Variants in FGFR2 observed in about 807,000 individuals in gnomAD.
The protein encoded by FGFR2 is fibroblast growth factor receptor 2.
Under a neutral mutation model 95.9 loss-of-function variants are expected in FGFR2, and 19 were observed. The ratio of observed to expected loss-of-function variants is 0.20; its 90% CI spans 0.14 to 0.29. The LOEUF (loss-of-function observed/expected upper bound fraction) is 0.29, where lower values mean the gene tolerates loss of function less well. Among genes scored for constraint, FGFR2 ranks in the 10% least tolerant of loss-of-function variants. The pLI, the probability that FGFR2 is intolerant of heterozygous loss-of-function variation, is 1.00. For missense variants in FGFR2, 707 were observed against 1,056.9 expected, an observed-to-expected ratio of 0.67 and a Z score of 4.59; for synonymous variants, 392 against 393.3, an observed-to-expected ratio of 1.00 and a Z score of 0.04.
chr10:121,568,047 C>T (rs570151599), intron 2 of FGFR2, among the ~76,000 whole-genome samples: 14 of 152,228 alleles, frequency 9.2e-5, no homozygotes, highest in East Asian at 1.9e-4. Context: ...AGTCAAAATG[C>T]GGCTGAATTG....
chr10:121,542,766 C>T (rs1463249872), intron 5 of FGFR2, among the ~76,000 whole-genome samples: 7 of 152,112 alleles, frequency 4.6e-5, no homozygotes, highest in Admixed American at 4.6e-4. Context: ...ACAAGGTGGC[C>T]CAGACAGGTT....
intron 5 of FGFR2, among the ~76,000 whole-genome samples, chr10:121,549,175 G>C (rs1248018276): frequency 1.3e-5 from 2 of 152,174 alleles, no homozygotes; most frequent in African/African-American, 4.8e-5. Flanking sequence ...GCCTCTAGAT[G>C]TTAATTTCTA....
intron 2 of FGFR2, among the ~76,000 whole-genome samples, chr10:121,574,689 C>A (rs1044546902): frequency 2.0e-5 from 3 of 152,198 alleles, no homozygotes; most frequent in Non-Finnish European, 4.4e-5. Context: ...AGCCTCCCCT[C>A]TGCAAGAGCC....
chr10:121,526,293 G>C (rs564478621), intron 6 of FGFR2: 4 of 398,170 alleles, frequency 1.0e-5, no homozygotes, highest in Non-Finnish European at 1.8e-5. Context: ...AAGAGTAGGC[G>C]GTGGTTGCTT....
At chr10:121,555,794 A>G (rs531888682) in intron 4 of FGFR2, among the ~76,000 whole-genome samples, 21 of 152,258 alleles carry the variant, frequency 1.4e-4, no homozygotes, top group Non-Finnish European at 3.1e-4. Flanking sequence ...GTCATTGCAC[A>G]TTAGTAATAA....
intron 2 of FGFR2, among the ~76,000 whole-genome samples, chr10:121,588,841 C>A (rs1219643): frequency 0.22 from 33,840 of 152,004 alleles, 3,828 homozygotes; most frequent in African/African-American, 0.28. Context: ...CAGTGAGCCA[C>A]GTTTGACAAT....
intron 6 of FGFR2, among the ~76,000 whole-genome samples, chr10:121,532,828 G>A (rs1014947124): frequency 6.6e-6 from 1 of 152,182 alleles, no homozygotes; most frequent in African/African-American, 2.4e-5. Flanking sequence ...CACACCTGAG[G>A]GGGGACTTCG....
intron 4 of FGFR2, among the ~76,000 whole-genome samples, chr10:121,559,205 A>T (rs1856613155): frequency 1.3e-5 from 2 of 152,276 alleles, no homozygotes; most frequent in South Asian, 2.1e-4. Context: ...TTCCTAAAGA[A>T]GAACATACAA....
At chr10:121,591,263 C>T (rs1862606529) in intron 2 of FGFR2, among the ~76,000 whole-genome samples, 1 of 152,190 alleles carries the variant, frequency 6.6e-6, no homozygotes, top group Non-Finnish European at 1.5e-5. Flanking sequence ...CACCAAGGGC[C>T]TCCTCCATCC....
At chr10:121,483,624 AGT>A (rs2133763570) in intron 17 of FGFR2, 72 bp downstream of exon 17, 7 of 1,028,776 alleles carry the variant, frequency 6.8e-6, no homozygotes, top group Middle Eastern at 2.4e-4. Context: ...CCAACAGGGG[AGT>A]GTGTGTGTAA....
intron 2 of FGFR2, among the ~76,000 whole-genome samples, chr10:121,579,768 T>C (rs1860534798): frequency 6.6e-6 from 1 of 152,112 alleles, no homozygotes; most frequent in African/African-American, 2.4e-5. Flanking sequence ...CACCAAACCA[T>C]GGGCAAGAGT....
chr10:121,571,576 G>A (rs535774673), intron 2 of FGFR2, among the ~76,000 whole-genome samples: 1 of 151,918 alleles, frequency 6.6e-6, no homozygotes, highest in Admixed American at 6.6e-5. Context: ...CAAAGTGCTA[G>A]GATTACAGGT....
chr10:121,561,674 T>C (rs1366619935), intron 4 of FGFR2, among the ~76,000 whole-genome samples: 1 of 152,008 alleles, frequency 6.6e-6, no homozygotes, highest in Non-Finnish European at 1.5e-5. Flanking sequence ...AAAGGCACCA[T>C]CCATAAAAGA....
chr10:121,565,306 A>C, intron 3 of FGFR2, 132 bp downstream of exon 3: 2 of 1,181,478 alleles, frequency 1.7e-6, no homozygotes, highest in Non-Finnish European at 2.5e-6. Flanking sequence ...GTCCCAAAGA[A>C]GAATTTCAAA....
At position 121,501,653 on chromosome 10, in the gene FGFR2, G is replaced by A. The variant is rs897063567; in HGVS notation, c.1440-706C>T. Among the ~76,000 whole-genome samples the A allele has an allele frequency of 3.2e-4, 49 of 152,146 alleles. 1 individual carries two copies. The highest frequency in any genetic ancestry group is 1.5e-5 in the Non-Finnish European group (1 of 68,036). On this transcript the variant is annotated intron_variant, in intron 10 of 17. Coordinates refer to ENST00000358487, the MANE Select transcript of FGFR2 (RefSeq NM_000141.5). ...AAACCAACAAAACGCAAAAGTCTTTGGAATACTTATGAATACGGCTCTTTC... is the reference window on the plus strand; with the variant it reads ...AAACCAACAAAACGCAAAAGTCTTTAGAATACTTATGAATACGGCTCTTTC...
At chr10:121,569,339 G>T (rs530397796) in intron 2 of FGFR2, among the ~76,000 whole-genome samples, 1 of 151,678 alleles carries the variant, frequency 6.6e-6, no homozygotes, top group Non-Finnish European at 1.5e-5. Context: ...TCCTGCCTCA[G>T]CCTCCCAAGT....
Position 121,479,485 on chromosome 10 carries a change from T to C in FGFR2, c.*372A>G. On this transcript the variant is annotated 3_prime_UTR_variant, in exon 18 of 18. Coordinates refer to ENST00000358487, the MANE Select transcript of FGFR2 (RefSeq NM_000141.5). ...TATTTACATACATCCAGCACCTATATACTGCATTTGTGCTCTGTAAGTGTG... is the reference window on the plus strand; with the variant it reads ...TATTTACATACATCCAGCACCTATACACTGCATTTGTGCTCTGTAAGTGTG... 1.2e-6 allele frequency: 1 copy of C among 809,856 alleles called. No individual in the cohort carries two copies. 50.2% of individuals were successfully genotyped at this position (809,856 alleles called of 1,614,324 possible).
chr10:121,533,026 C>T (rs899247457), intron 6 of FGFR2, among the ~76,000 whole-genome samples: 3 of 152,222 alleles, frequency 2.0e-5, no homozygotes, highest in Admixed American at 2.0e-4. Context: ...CAAACAACAA[C>T]TGCCTGCTGC....
chr10:121,498,447 AT>A, intron 12 of FGFR2, 47 bp downstream of exon 12: 8 of 1,227,724 alleles, frequency 6.5e-6, no homozygotes, highest in Non-Finnish European at 8.5e-6. Flanking sequence ...AAATGATTCA[AT>A]CAAACTGCAG....
Sources: allele counts gnomAD v4.1 joint callset (sites outside exome capture counted in the v4.1 genomes callset), GRCh38; gene constraint gnomAD v4.1.1; transcripts MANE v1.5; gene names NCBI Gene and HGNC (gene_info 2026-07-23, HGNC 2026-07-21).